The following KLHL23 variants were observed in gnomAD, a reference collection of about 807,000 sequenced individuals.
KLHL23 encodes the protein kelch-like protein 23.
In KLHL23, 33 loss-of-function variants were observed where a neutral mutation model predicts 48.9. That is an observed-to-expected ratio of 0.67 (90% CI 0.51 to 0.90). KLHL23 has a LOEUF of 0.90. KLHL23 is among the 40% of genes least tolerant of loss of function. KLHL23 has a pLI of 0.00. For synonymous variants in KLHL23, 234 were observed against 231.6 expected (o/e 1.01, Z -0.09); for missense variants, 608 against 669.6 (o/e 0.91, Z 1.02).
At chr2:169,734,806 C>G (rs923367517) in intron 1 of KLHL23, among the ~76,000 whole-genome samples, 8 of 152,118 alleles carry the variant, frequency 5.3e-5, no homozygotes, top group Non-Finnish European at 1.0e-4. Flanking sequence ...ATCCAGGAGC[C>G]TCATTTCAAG....
intron 3 of KLHL23, among the ~76,000 whole-genome samples, chr2:169,741,946 C>A (rs1490101431): frequency 6.6e-6 from 1 of 152,170 alleles, no homozygotes; most frequent in African/African-American, 2.4e-5. Flanking sequence ...AAATTGTTTC[C>A]TGTTTTAGAA....
At chr2:169,739,071 CCCT>C (rs906977337) in intron 2 of KLHL23, among the ~76,000 whole-genome samples, 1 of 141,980 alleles carries the variant, frequency 7.0e-6, no homozygotes, top group African/African-American at 2.7e-5. Context: ...CCTCTCCTTC[CCCT>C]CCTCGACTTC....
rs759216818 is a variant in KLHL23 at position 169,735,591 on chromosome 2, A to T, written c.577A>T (p.Ser193Cys). Residue 193 changes from serine to cysteine, a missense_variant, in exon 2 of 4, where the codon AGT (serine) becomes TGT (cysteine). Ser to Cys is a moderately radical substitution (Grantham distance 112, BLOSUM62 -1). Around this residue, in one of 3 missense-constraint regions of KLHL23, gnomAD observed 419 missense variants for 473.1 expected, o/e 0.89. Coordinates refer to ENST00000392647, the MANE Select transcript of KLHL23 (RefSeq NM_144711.6). This position sits in a 1 kb window ranked among gnomAD's most constrained non-coding sequence, Gnocchi z 4.5. The stretch of plus-strand genomic sequence containing the variant: ...CTTTATCTTGTCCAGAAAGAATCTC[A>T]GTGTTTGGAAAGAAGAAGCTATCAT... ...FLFILSRKNL[S>C]VWKEEAIIEP... 4.3e-6 allele frequency: 7 copies of T among 1,613,912 alleles called. No individual in the cohort carries two copies. The South Asian group carries it at 7.7e-5, about 18-fold the overall frequency.
In KLHL23 at chr2:169,741,398, T is replaced by C. The variant is rs142067228; in HGVS notation, c.1227T>C (p.Ala409=). 1.5e-4 allele frequency: 248 copies of C among 1,611,880 alleles called. No individual in the cohort carries two copies. The highest frequency in any genetic ancestry group is 3.5e-4 in the Admixed American group (21 of 59,784). Residue 409 remains alanine (A), a synonymous_variant, in exon 3 of 4, where the codon GCT becomes GCC. Coordinates refer to ENST00000392647, the MANE Select transcript of KLHL23 (RefSeq NM_144711.6). Reference sequence around the variant, plus strand: ...ATTAATACGTAGGTGTGGGAAATGCTACTGCCTGTGTCTTACATGATGTTA... The same window carrying C: ...ATTAATACGTAGGTGTGGGAAATGCCACTGCCTGTGTCTTACATGATGTTA... ...IANMIKGVGN[A]TACVLHDVIY... is the part of the protein sequence containing the mutation.
chr2:169,737,643 C>T (rs1688551102), intron 2 of KLHL23, among the ~76,000 whole-genome samples: 1 of 143,782 alleles, frequency 7.0e-6, no homozygotes, highest in African/African-American at 2.6e-5. Flanking sequence ...GAGATGGAGT[C>T]TCACTCTGTC....
In KLHL23 at chr2:169,735,362, G is replaced by C. The variant is rs1321585529; in HGVS notation, c.348G>C (p.Leu116=). ...NVQSLLEAAD[L]LQFLSVKKAC... is the part of the protein sequence containing the mutation. ...AAAGCCTGCTTGAGGCAGCGGATCT[G>C]CTACAGTTCCTTTCAGTAAAGAAGG... The change falls in exon 2 of 4, where the codon CTG becomes CTC. Residue 116 remains leucine, a synonymous_variant. Transcript: ENST00000392647. This position sits in a 1 kb window ranked among gnomAD's most constrained non-coding sequence, Gnocchi z 4.5. 6.2e-7 allele frequency: 1 copy of C among 1,612,406 alleles called. No individual in the cohort carries two copies. Among genetic ancestry groups the C allele is most frequent in the Non-Finnish European group, 8.5e-7 (1 of 1,179,670 alleles).
intron 3 of KLHL23, among the ~76,000 whole-genome samples, chr2:169,741,767 T>C (rs1272729876): frequency 6.6e-6 from 1 of 152,250 alleles, no homozygotes; most frequent in Non-Finnish European, 1.5e-5. Flanking sequence ...ACAATGCACA[T>C]TGTAAGTCTG....
At position 169,735,948 on chromosome 2, in the gene KLHL23, A is replaced by G; in HGVS notation, c.934A>G (p.Ser312Gly). The change falls in exon 2 of 4, where the codon AGC becomes GGC. Residue 312 changes from serine to glycine, a missense_variant. Transcript: ENST00000392647. The surrounding 1 kb of genome is among the most constrained non-coding windows in gnomAD (Gnocchi z 4.5). The part of the protein sequence containing the change: ...GAEIPDYTRE[S>G]YGVTCLGPNI... ...AGAAATACCAGATTATACCAGGGAG[A>G]GCTATGGTGTTACATGTTTAGGACC... 1 of 1,614,112 alleles carries G rather than the reference A, an allele frequency of 6.2e-7. No individual in the cohort carries two copies. The highest frequency in any genetic ancestry group is 1.1e-5 in the South Asian group (1 of 91,086).
intron 1 of KLHL23, 115 bp from the exon 2 acceptor site, chr2:169,734,898 G>A (rs1232950351): frequency 7.4e-7 from 1 of 1,346,532 alleles, no homozygotes; most frequent in Admixed American, 2.9e-5. Flanking sequence ...TTATTTAGAT[G>A]CTGAACTTAG....
intron 2 of KLHL23, 119 bp downstream of exon 2, chr2:169,736,346 A>G: frequency 7.4e-7 from 1 of 1,357,058 alleles, no homozygotes; most frequent in Non-Finnish European, 9.9e-7. Flanking sequence ...TAATTATACA[A>G]ATAATGCTAC....
At chr2:169,740,766 T>TTTTATATATATATATATA (rs1553477016) in intron 2 of KLHL23, among the ~76,000 whole-genome samples, 31 of 125,478 alleles carry the variant, frequency 2.5e-4, no homozygotes, top group Admixed American at 1.0e-3. Flanking sequence ...CTTTTTTATA[T>TTTTATATATATATATATA]TATATATATA....
rs1307496019 is a variant in KLHL23 at position 169,750,555 on chromosome 2, CTT to C, written c.*824_*825del. The C allele has an allele frequency of 1.3e-5, 2 of 151,512 alleles. No individual in the cohort carries two copies. Among genetic ancestry groups the C allele is most frequent in the African/African-American group, 4.8e-5 (2 of 41,274 alleles). The allele number at this position is 151,512 out of a possible 1,614,324, so 9.4% of individuals were successfully genotyped here. A position where few individuals can be genotyped will look rare whatever the true frequency, so the allele number is the denominator to read the frequency against. ...CTTCTCTACCTCTACAAAATCAACC[CTT>C]AACACTTTTTTCACCTTCAGAATTA... On this transcript the variant is annotated 3_prime_UTR_variant, in exon 4 of 4. Transcript: ENST00000392647.
chr2:169,734,509 C>A (rs1254441439), intron 1 of KLHL23, among the ~76,000 whole-genome samples: 3 of 152,236 alleles, frequency 2.0e-5, no homozygotes, highest in Non-Finnish European at 2.9e-5. Context: ...CCTTTCTCTC[C>A]TTCCTTAAGC....
In KLHL23 at chr2:169,736,242, T is replaced by C; in HGVS notation, c.1213+15T>C. On this transcript the variant is annotated intron_variant, in intron 2 of 3. Coordinates refer to ENST00000392647, the MANE Select transcript of KLHL23 (RefSeq NM_144711.6). ...CATGATTAAAGGTAAGTGGAGATTA[T>C]GTTTATTTTGTATTTTTTAGATGTC... 1.3e-6 allele frequency: 2 copies of C among 1,577,608 alleles called. No individual in the cohort carries two copies. The highest frequency in any genetic ancestry group is 2.3e-5 in the South Asian group (2 of 85,362).
intron 2 of KLHL23, 62 bp from the exon 3 acceptor site, chr2:169,741,323 A>G (rs1156362830): frequency 4.5e-6 from 7 of 1,548,138 alleles, no homozygotes. Flanking sequence ...AATTTAGCCC[A>G]GGGTTCACTG....
At chr2:169,741,163 A>C in intron 2 of KLHL23, 2 of 403,930 alleles carry the variant, frequency 5.0e-6, no homozygotes. Flanking sequence ...TTTTATGGAG[A>C]TCATTGTGCG....
chr2:169,746,124 G>T (rs1688789996), intron 3 of KLHL23, among the ~76,000 whole-genome samples: 1 of 152,350 alleles, frequency 6.6e-6, no homozygotes, highest in African/African-American at 2.4e-5. Context: ...AGCAGTATGT[G>T]ATAAAGGAGG....
At chr2:169,736,650 A>G (rs557902362) in intron 2 of KLHL23, among the ~76,000 whole-genome samples, 1 of 152,160 alleles carries the variant, frequency 6.6e-6, no homozygotes, top group Non-Finnish European at 1.5e-5. Flanking sequence ...TTTGCAATTC[A>G]GTCCTCTCTG....
At chr2:169,737,210 T>G (rs1047732742) in intron 2 of KLHL23, among the ~76,000 whole-genome samples, 1 of 152,242 alleles carries the variant, frequency 6.6e-6, no homozygotes, top group African/African-American at 2.4e-5. Flanking sequence ...AGGATTAAAT[T>G]AATCTATGCT....
Sources: gnomAD v4.1 joint callset for allele counts (sites outside exome capture counted in the v4.1 genomes callset) on GRCh38, gnomAD v4.1.1 for gene constraint, gnomAD v4.1.1 regional missense constraint, Gnocchi (gnomAD v3.1) non-coding constraint, MANE v1.5 for transcripts, NCBI Gene and HGNC (gene_info 2026-07-23, HGNC 2026-07-21) for gene names.